The following ITGB1BP1 variants were observed in gnomAD, a reference collection of about 807,000 sequenced individuals.
The protein encoded by ITGB1BP1 is integrin beta-1-binding protein 1.
Under a neutral mutation model 28.0 loss-of-function variants are expected in ITGB1BP1, and 20 were observed. That is an observed-to-expected ratio of 0.71 (90% CI 0.50 to 1.04). ITGB1BP1 has a LOEUF of 1.04. Among genes scored for constraint, ITGB1BP1 ranks in the 50% least tolerant of loss-of-function variants. ITGB1BP1 has a pLI of 0.00. For synonymous variants in ITGB1BP1, 103 were observed against 89.5 expected, an observed-to-expected ratio of 1.15 and a Z score of -0.85; for missense variants, 228 against 242.5, an observed-to-expected ratio of 0.94 and a Z score of 0.40.
chr2:9,407,297 G>T lies in ITGB1BP1; in HGVS notation c.531+152C>A, dbSNP rs185912493. On this transcript the variant is annotated intron_variant, in intron 6 of 6. Transcript: ENST00000355346. ...TTCACAAACCTGCACTGTCTTGCCA[G>T]CCGGCTGACCTCCGGCCTAATATTC... 331 of 823,136 alleles carry T rather than the reference G, an allele frequency of 4.0e-4. 6 individuals carry two copies. In the East Asian group the frequency reaches 8.3e-3, roughly 21 times the overall value. The allele number at this position is 823,136 out of a possible 1,614,324, so 51.0% of individuals were successfully genotyped here.
intron 2 of ITGB1BP1, among the ~76,000 whole-genome samples, chr2:9,418,256 G>A (rs755180847): frequency 6.6e-6 from 1 of 152,134 alleles, no homozygotes; most frequent in Non-Finnish European, 1.5e-5. Context: ...ACAGCTATCT[G>A]CCAATCTCAC....
Position 9,415,447 on chromosome 2 carries a change from G to A in ITGB1BP1, c.73-1191C>T, listed in dbSNP as rs1231399141. Among the ~76,000 whole-genome samples, 1 of 151,894 alleles carries A rather than the reference G, an allele frequency of 6.6e-6. No individual in the cohort carries two copies. The highest frequency in any genetic ancestry group is 2.4e-5 in the African/African-American group (1 of 41,322). Reference sequence around the variant, plus strand: ...AATACAAAAATTAGCCAGGCTTGGTGGCACATGCCTGTAGTCCCAGCTATT... The same window carrying A: ...AATACAAAAATTAGCCAGGCTTGGTAGCACATGCCTGTAGTCCCAGCTATT... On this transcript the variant is annotated intron_variant, in intron 2 of 6. Transcript: ENST00000355346. This position sits in a 1 kb window ranked among gnomAD's most constrained non-coding sequence, Gnocchi z 4.1.
intron 5 of ITGB1BP1, 123 bp from the exon 6 acceptor site, chr2:9,407,721 G>T: frequency 6.5e-6 from 7 of 1,072,540 alleles, no homozygotes; most frequent in Non-Finnish European, 9.4e-6. Flanking sequence ...TCACCCCAAG[G>T]GATGTCCTGT....
rs1677417185 is a variant in ITGB1BP1 at position 9,406,585 on chromosome 2, T to TA, written c.*248dup. 2 of 493,824 alleles carry TA rather than the reference T, an allele frequency of 4.1e-6. No individual in the cohort carries two copies. The highest frequency in any genetic ancestry group is 4.5e-5 in the South Asian group (2 of 44,622). 30.6% of individuals were successfully genotyped at this position (493,824 alleles called of 1,614,324 possible). The stretch of plus-strand genomic sequence containing the variant: ...ACCTAGGCTTCTGTGACACTTAGGT[T>TA]AAGCTTATTAGAAGTTGAAAAAGAC... On this transcript the variant is annotated 3_prime_UTR_variant, in exon 7 of 7. Coordinates refer to ENST00000355346, the MANE Select transcript of ITGB1BP1 (RefSeq NM_004763.5).
Position 9,406,923 on chromosome 2 carries a change from T to C in ITGB1BP1, c.532-18A>G, listed in dbSNP as rs774332639. On this transcript the variant is annotated intron_variant, in intron 6 of 6. Coordinates refer to ENST00000355346, the MANE Select transcript of ITGB1BP1 (RefSeq NM_004763.5). ...GCTTGTTCCTACATTACATGAAAGA[T>C]AGAGTAAGAGCAACATTCATCTGTC... 2 of 1,578,922 alleles carry C rather than the reference T, an allele frequency of 1.3e-6. No individual in the cohort carries two copies. Among genetic ancestry groups the C allele is most frequent in the East Asian group, 2.2e-5 (1 of 44,746 alleles).
Position 9,405,254 on chromosome 2 carries a change from T to C in ITGB1BP1, c.*1580A>G, listed in dbSNP as rs1012057534. On this transcript the variant is annotated 3_prime_UTR_variant, in exon 7 of 7. Coordinates refer to ENST00000355346, the MANE Select transcript of ITGB1BP1 (RefSeq NM_004763.5). ...TAACGACCCTGCTAATATCCTTTCT[T>C]AGTTATTTGCTCCTTGCAAATTAAA... 1.3e-5 allele frequency: 2 copies of C among 152,252 alleles called. No individual in the cohort carries two copies. Among genetic ancestry groups the C allele is most frequent in the African/African-American group, 4.8e-5 (2 of 41,468 alleles). 9.4% of individuals were successfully genotyped at this position (152,252 alleles called of 1,614,324 possible). A position where few individuals can be genotyped will look rare whatever the true frequency, so the allele number is the denominator to read the frequency against.
chr2:9,411,943 G>A (rs1053828552), intron 4 of ITGB1BP1: 2 of 215,082 alleles, frequency 9.3e-6, no homozygotes, highest in Non-Finnish European at 9.1e-6. Flanking sequence ...TTGAGAGGCT[G>A]AGGCAGGAGA....
intron 1 of ITGB1BP1, 44 bp from the exon 2 acceptor site, chr2:9,418,776 CT>C (rs35904811): frequency 0.2 from 185,614 of 920,642 alleles, 1 homozygote; most frequent in East Asian, 0.3. Context: ...GGAAAAGCAA[CT>C]TTTTTTTTTT....
intron 2 of ITGB1BP1, among the ~76,000 whole-genome samples, chr2:9,417,822 T>C (rs937837526): frequency 4.0e-5 from 6 of 151,328 alleles, no homozygotes; most frequent in Non-Finnish European, 7.4e-5. Flanking sequence ...GTTTCCACCA[T>C]CTGAAACTCT....
chr2:9,423,381 C>T lies in ITGB1BP1; in HGVS notation c.-44G>A. On this transcript the variant is annotated 5_prime_UTR_variant, in exon 1 of 7. Coordinates refer to ENST00000355346, the MANE Select transcript of ITGB1BP1 (RefSeq NM_004763.5). ...GAGGGCTGGGCGCTCACCTCGCAGC[C>T]GCGGGCCCATCCCCGGGTTGCGGAC... 5 of 1,147,672 alleles carry T rather than the reference C, an allele frequency of 4.4e-6. No individual in the cohort carries two copies. Among genetic ancestry groups the T allele is most frequent in the Non-Finnish European group, 5.4e-6 (5 of 921,958 alleles). The allele number at this position is 1,147,672 out of a possible 1,614,324, so 71.1% of individuals were successfully genotyped here.
At chr2:9,410,982 A>T (rs1465159411) in intron 4 of ITGB1BP1, among the ~76,000 whole-genome samples, 1 of 152,242 alleles carries the variant, frequency 6.6e-6, no homozygotes, top group African/African-American at 2.4e-5. Flanking sequence ...TCCCTCTTTT[A>T]ATGCGCACAT....
intron 5 of ITGB1BP1, 48 bp from the exon 6 acceptor site, chr2:9,407,646 T>G (rs1677701834): frequency 6.2e-7 from 1 of 1,606,766 alleles, no homozygotes; most frequent in Admixed American, 1.7e-5. Flanking sequence ...CTCAAATGTT[T>G]GTCAGTCCTG....
intron 3 of ITGB1BP1, chr2:9,412,681 G>T: frequency 3.8e-6 from 1 of 264,572 alleles, no homozygotes; most frequent in South Asian, 8.8e-5. Context: ...TAAAGAAAAG[G>T]TTACTACATA....
chr2:9,419,814 C>T (rs1246542777), intron 1 of ITGB1BP1, among the ~76,000 whole-genome samples: 1 of 152,200 alleles, frequency 6.6e-6, no homozygotes. Flanking sequence ...ATATGCCACA[C>T]ACTCTGCAGG....
intron 4 of ITGB1BP1, among the ~76,000 whole-genome samples, chr2:9,411,814 G>A (rs983827767): frequency 9.9e-5 from 15 of 152,102 alleles, no homozygotes; most frequent in East Asian, 1.9e-4. Flanking sequence ...AGGCCAAGGC[G>A]GGAAGATCAC....
At chr2:9,406,957 A>G in intron 6 of ITGB1BP1, 52 bp from the exon 7 acceptor site, 1 of 1,410,430 alleles carries the variant, frequency 7.1e-7, no homozygotes, top group Non-Finnish European at 1.0e-6. Flanking sequence ...TCTCTTCGTG[A>G]ACTTAATTTG....
intron 4 of ITGB1BP1, among the ~76,000 whole-genome samples, chr2:9,411,671 C>T (rs1183330012): frequency 1.3e-5 from 2 of 151,242 alleles, no homozygotes; most frequent in African/African-American, 4.9e-5. Context: ...TGCAGAGAGC[C>T]GAGATTGCAC....
At chr2:9,421,044 ATAAAGTGCCATGT>A (rs1451957094) in intron 1 of ITGB1BP1, among the ~76,000 whole-genome samples, 2 of 152,258 alleles carry the variant, frequency 1.3e-5, no homozygotes, top group African/African-American at 4.8e-5. Context: ...ACGTAGCAGC[ATAAAGTGCCATGT>A]TAATGGCGCT....
In ITGB1BP1 at chr2:9,418,722, G is replaced by C; in HGVS notation, c.-25C>G. 6.2e-7 allele frequency: 1 copy of C among 1,611,534 alleles called. No homozygotes were observed. Among genetic ancestry groups the C allele is most frequent in the Non-Finnish European group, 8.5e-7 (1 of 1,178,398 alleles). ...TTTTTCACCACCATTGCTTGATCCA[G>C]AGAAGATCCCCTGAAAAAACAAATA... On this transcript the variant is annotated 5_prime_UTR_variant, in exon 2 of 7. Coordinates refer to ENST00000355346, the MANE Select transcript of ITGB1BP1 (RefSeq NM_004763.5).
Sources: gnomAD v4.1 joint callset for allele counts (sites outside exome capture counted in the v4.1 genomes callset) on GRCh38, gnomAD v4.1.1 for gene constraint, Gnocchi (gnomAD v3.1) non-coding constraint, MANE v1.5 for transcripts, NCBI Gene and HGNC (gene_info 2026-07-23, HGNC 2026-07-21) for gene names.